The following PDE4D variants were observed in gnomAD, a reference collection of about 807,000 sequenced individuals.
PDE4D encodes 3',5'-cyclic-AMP phosphodiesterase 4D.
Under a neutral mutation model 87.4 loss-of-function variants are expected in PDE4D, and 24 were observed. That is an observed-to-expected ratio of 0.27 (90% confidence interval 0.20 to 0.39). The LOEUF (loss-of-function observed/expected upper bound fraction) is 0.39, where lower values mean the gene tolerates loss of function less well. Among genes scored for constraint, PDE4D ranks in the 10% least tolerant of loss-of-function variants. PDE4D has a pLI of 1.00. For missense variants in PDE4D, 714 were observed against 1,041.0 expected (o/e 0.69, Z 4.32); for synonymous variants, 384 against 383.2 (o/e 1.00, Z -0.02).
At chr5:59,776,729 A>G (rs1764115789) in intron 1 of PDE4D, among the ~76,000 whole-genome samples, 1 of 152,146 alleles carries the variant, frequency 6.6e-6, no homozygotes, top group African/African-American at 2.4e-5. Flanking sequence ...CTGTTACATA[A>G]TAAGTCAAAT....
chr5:59,482,692 A>AT (rs1804481689), intron 1 of PDE4D, among the ~76,000 whole-genome samples: 1 of 152,128 alleles, frequency 6.6e-6, no homozygotes, highest in African/African-American at 2.4e-5. Context: ...ACAGGGCAAA[A>AT]TTTTTTGATT....
At chr5:59,947,636 T>C (rs997783508) in intron 3 of PDE4D, among the ~76,000 whole-genome samples, 3 of 152,160 alleles carry the variant, frequency 2.0e-5, no homozygotes, top group Admixed American at 2.0e-4. Flanking sequence ...TAGATACTGA[T>C]AGAGAGGAAT....
chr5:59,280,830 T>C (rs1017989391), intron 1 of PDE4D, among the ~76,000 whole-genome samples: 1 of 152,030 alleles, frequency 6.6e-6, no homozygotes, highest in African/African-American at 2.4e-5. Flanking sequence ...TTTTTGCCTC[T>C]TCCAAATGTT....
intron 2 of PDE4D, among the ~76,000 whole-genome samples, chr5:60,050,167 G>A (rs908742866): frequency 2.6e-5 from 4 of 152,254 alleles, no homozygotes; most frequent in African/African-American, 9.6e-5. Flanking sequence ...CTAGGAAAGG[G>A]AACTCCCTGA....
intron 5 of PDE4D, among the ~76,000 whole-genome samples, chr5:59,043,501 C>T (rs747998474): frequency 7.9e-5 from 12 of 151,884 alleles, no homozygotes; most frequent in Admixed American, 4.6e-4. Context: ...CCAACCTGGA[C>T]AACAGCAGAA....
chr5:59,297,219 T>A, intron 1 of PDE4D, among the ~76,000 whole-genome samples: 1 of 152,170 alleles, frequency 6.6e-6, no homozygotes. Flanking sequence ...TAACATCCTA[T>A]AAAGGAATCT....
intron 1 of PDE4D, among the ~76,000 whole-genome samples, chr5:59,704,711 T>C (rs1220122319): frequency 2.0e-5 from 3 of 152,180 alleles, no homozygotes; most frequent in Non-Finnish European, 2.9e-5. Context: ...CAATAAACAT[T>C]TACATCGAGA....
intron 1 of PDE4D, among the ~76,000 whole-genome samples, chr5:60,309,673 C>G (rs1379537435): frequency 6.6e-6 from 1 of 152,130 alleles, no homozygotes; most frequent in Non-Finnish European, 1.5e-5. Context: ...AAAAACGACT[C>G]ATTTTTTTCT....
chr5:60,316,481 T>A (rs959636552), intron 1 of PDE4D, among the ~76,000 whole-genome samples: 2 of 152,202 alleles, frequency 1.3e-5, no homozygotes, highest in Non-Finnish European at 2.9e-5. Flanking sequence ...CTTTATTTCT[T>A]TCTCCTGCCT....
chr5:60,072,451 T>C (rs1002161170), intron 2 of PDE4D, among the ~76,000 whole-genome samples: 1 of 152,180 alleles, frequency 6.6e-6, no homozygotes, highest in Non-Finnish European at 1.5e-5. Flanking sequence ...TCCCATTCTG[T>C]AGGTTGTCTA....
intron 1 of PDE4D, among the ~76,000 whole-genome samples, chr5:59,682,070 T>G (rs1030439803): frequency 7.2e-5 from 11 of 152,038 alleles, no homozygotes; most frequent in African/African-American, 2.2e-4. Flanking sequence ...TTCTATTCAT[T>G]ATAAATTACC....
chr5:59,045,556 CAAAAAAAAAAAAAA>C (rs36051277), intron 5 of PDE4D, among the ~76,000 whole-genome samples: 4 of 70,980 alleles, frequency 5.6e-5, no homozygotes, highest in Non-Finnish European at 1.1e-4. Flanking sequence ...AACTCTGTCT[CAAAAAAAAAAAAAA>C]AAAAAAAAAA....
At chr5:59,202,994 T>C (rs929671210) in intron 2 of PDE4D, among the ~76,000 whole-genome samples, 10 of 152,144 alleles carry the variant, frequency 6.6e-5, no homozygotes, top group Non-Finnish European at 2.9e-5. Context: ...AACAACTCAA[T>C]GGCAAAAAAA....
intron 1 of PDE4D, among the ~76,000 whole-genome samples, chr5:59,369,300 G>A (rs945567272): frequency 1.3e-5 from 2 of 152,050 alleles, no homozygotes; most frequent in African/African-American, 4.8e-5. Context: ...AAAGACTAAC[G>A]CCTCCCAACT....
intron 1 of PDE4D, among the ~76,000 whole-genome samples, chr5:60,289,160 C>T (rs544427833): frequency 6.6e-6 from 1 of 152,260 alleles, no homozygotes; most frequent in South Asian, 2.1e-4. Flanking sequence ...TGTCTTTCCC[C>T]AGAGTGGTTT....
Position 60,327,585 on chromosome 5 carries a change from C to T in PDE4D, c.-89-141898G>A, listed in dbSNP as rs112999887. Among the ~76,000 whole-genome samples the T allele has an allele frequency of 5.3e-5, 8 of 152,270 alleles. 1 individual carries two copies. Among genetic ancestry groups the T allele is most frequent in the African/African-American group, 1.9e-4 (8 of 41,548 alleles). On this transcript the variant is annotated intron_variant, in intron 1 of 16. Coordinates refer to the PDE4D transcript ENST00000502484. Reference sequence around the variant, plus strand: ...ATTAAATAACAGAACATATGCTTACCTATGTACCAGCTATTTAATTTCTGG... The same window carrying T: ...ATTAAATAACAGAACATATGCTTACTTATGTACCAGCTATTTAATTTCTGG...
intron 3 of PDE4D, among the ~76,000 whole-genome samples, chr5:59,927,155 C>CT (rs2152784137): frequency 6.6e-6 from 1 of 152,304 alleles, no homozygotes; most frequent in South Asian, 2.1e-4. Flanking sequence ...TTTCTCTTGA[C>CT]TAATAGTATT....
chr5:59,582,420 T>C (rs1482998965), intron 1 of PDE4D, among the ~76,000 whole-genome samples: 1 of 152,170 alleles, frequency 6.6e-6, no homozygotes, highest in African/African-American at 2.4e-5. Context: ...GATGAAACTC[T>C]ATGAGGCTAG....
chr5:60,229,569 G>A (rs1017005045), intron 1 of PDE4D, among the ~76,000 whole-genome samples: 3 of 152,046 alleles, frequency 2.0e-5, no homozygotes, highest in African/African-American at 7.2e-5. Context: ...TCCTTAATTT[G>A]TAAATGGTCT....
Sources: allele counts gnomAD v4.1 joint callset (sites outside exome capture counted in the v4.1 genomes callset), GRCh38; gene constraint gnomAD v4.1.1; transcripts MANE v1.5; gene names NCBI Gene and HGNC (gene_info 2026-07-23, HGNC 2026-07-21).